TENM2: variants seen among roughly 807,000 people sequenced by gnomAD.
The protein encoded by TENM2 is teneurin transmembrane protein 2.
A neutral mutation model predicts 245.2 loss-of-function variants in TENM2; 52 were observed. The ratio of observed to expected loss-of-function variants is 0.21; its 90% CI spans 0.17 to 0.27. The LOEUF is 0.27. Among genes scored for constraint, TENM2 ranks in the 10% least tolerant of loss-of-function variants. The pLI is 1.00. For synonymous variants in TENM2, 1,363 were observed against 1,438.9 expected (o/e 0.95, Z 1.19); for missense variants, 3,046 against 3,666.8 (o/e 0.83, Z 4.37).
At chr5:167,976,584 T>C (rs912392802) in intron 4 of TENM2, among the ~76,000 whole-genome samples, 2 of 152,172 alleles carry the variant, frequency 1.3e-5, no homozygotes, top group Admixed American at 6.5e-5. Context: ...ATGACAGAAG[T>C]AGAAAGGCCA....
At chr5:167,004,518 A>G in the TENM2 span, among the ~76,000 whole-genome samples, 1 of 152,232 alleles carries the variant, frequency 6.6e-6, no homozygotes, top group South Asian at 2.1e-4. Context: ...AACACAGTTG[A>G]AAGGAAGATA....
chr5:167,183,989 G>T, the TENM2 span, among the ~76,000 whole-genome samples: 1 of 152,060 alleles, frequency 6.6e-6, no homozygotes, highest in African/African-American at 2.4e-5. Context: ...TTGCCTAGAA[G>T]CACACATACC....
At chr5:167,464,205 C>T (rs988401390) in intron 2 of TENM2, among the ~76,000 whole-genome samples, 6 of 151,904 alleles carry the variant, frequency 3.9e-5, no homozygotes, top group African/African-American at 1.5e-4. Flanking sequence ...GAGTTCTAGC[C>T]CTGAGGAAAA....
chr5:167,544,327 G>T (rs1772407839), intron 2 of TENM2, among the ~76,000 whole-genome samples: 1 of 152,078 alleles, frequency 6.6e-6, no homozygotes, highest in Non-Finnish European at 1.5e-5. Flanking sequence ...CACAGAGGAT[G>T]GTATCTTCCT....
At chr5:167,431,337 A>C (rs1272666578) in intron 2 of TENM2, among the ~76,000 whole-genome samples, 1 of 152,154 alleles carries the variant, frequency 6.6e-6, no homozygotes, top group East Asian at 1.9e-4. Context: ...CCCCATATTT[A>C]GGTTGATAGC....
At chr5:167,687,750 C>T (rs1442993955) in intron 2 of TENM2, among the ~76,000 whole-genome samples, 1 of 152,124 alleles carries the variant, frequency 6.6e-6, no homozygotes, top group Admixed American at 6.5e-5. Flanking sequence ...GAGAATTGTT[C>T]TTTCTTCCTC....
chr5:167,898,248 G>A (rs960948963), intron 3 of TENM2, among the ~76,000 whole-genome samples: 1 of 152,094 alleles, frequency 6.6e-6, no homozygotes, highest in Admixed American at 6.6e-5. Context: ...AGTTAGAAAT[G>A]CAAGTCCTCA....
At chr5:167,230,998 T>A in the TENM2 span, among the ~76,000 whole-genome samples, 34,713 of 152,030 alleles carry the variant, frequency 0.23, 4,964 homozygotes, top group African/African-American at 0.41. Context: ...ATGGTTTTAT[T>A]ACTGTGGCAT....
At chr5:167,191,737 A>G in the TENM2 span, among the ~76,000 whole-genome samples, 2 of 152,046 alleles carry the variant, frequency 1.3e-5, no homozygotes, top group Admixed American at 1.3e-4. Context: ...GGGGTGATCT[A>G]TTGATTTCAA....
At chr5:168,151,412 C>T (rs1378198670) in intron 12 of TENM2, among the ~76,000 whole-genome samples, 1 of 152,208 alleles carries the variant, frequency 6.6e-6, no homozygotes, top group African/African-American at 2.4e-5. Context: ...CTAAACCACG[C>T]ACAGACCTTT....
At chr5:167,714,843 C>T (rs1759153572) in intron 2 of TENM2, among the ~76,000 whole-genome samples, 1 of 152,180 alleles carries the variant, frequency 6.6e-6, no homozygotes, top group Non-Finnish European at 1.5e-5. Flanking sequence ...TGTAGCATTT[C>T]TCCCCAGGAT....
chr5:167,437,881 G>C (rs562895884), intron 2 of TENM2, among the ~76,000 whole-genome samples: 1 of 152,122 alleles, frequency 6.6e-6, no homozygotes, highest in East Asian at 1.9e-4. Flanking sequence ...ACTGGGAGTC[G>C]AATTAAACCT....
At chr5:168,173,272 G>A (rs1759020210) in intron 13 of TENM2, among the ~76,000 whole-genome samples, 1 of 152,158 alleles carries the variant, frequency 6.6e-6, no homozygotes, top group Non-Finnish European at 1.5e-5. Context: ...CAAGGCCAAG[G>A]AGCAGGCAGG....
intron 3 of TENM2, among the ~76,000 whole-genome samples, chr5:167,934,346 A>G (rs1449326643): frequency 6.6e-6 from 1 of 152,204 alleles, no homozygotes; most frequent in African/African-American, 2.4e-5. Context: ...AACTCAGAAA[A>G]TAAGACATCC....
At chr5:167,784,713 G>A (rs1764444737) in intron 2 of TENM2, among the ~76,000 whole-genome samples, 1 of 152,074 alleles carries the variant, frequency 6.6e-6, no homozygotes, top group South Asian at 2.1e-4. Flanking sequence ...ATTTGCATTT[G>A]TCATTGTAAT....
chr5:167,450,437 A>C (rs558174192), intron 2 of TENM2, among the ~76,000 whole-genome samples: 138 of 152,344 alleles, frequency 9.1e-4, no homozygotes, highest in Admixed American at 1.4e-3. Flanking sequence ...CCCCATAAGA[A>C]CAACGACTTT....
chr5:167,397,237 G>A (rs758239915), intron 2 of TENM2, among the ~76,000 whole-genome samples: 3 of 151,930 alleles, frequency 2.0e-5, no homozygotes, highest in Non-Finnish European at 4.4e-5. Context: ...AGGAGAGAAT[G>A]CAGGAAAATG....
chr5:167,821,283 A>AATGGT (rs1277628815), intron 2 of TENM2: 5 of 152,362 alleles, frequency 3.3e-5, no homozygotes, highest in Admixed American at 2.6e-4. Context: ...GAAGCTTCAG[A>AATGGT]ATGGTAAGTG....
At chr5:167,950,720 C>T (rs936783783) in intron 3 of TENM2, among the ~76,000 whole-genome samples, 5 of 152,134 alleles carry the variant, frequency 3.3e-5, no homozygotes, top group African/African-American at 1.2e-4. Flanking sequence ...CCTTTCCCAC[C>T]TCTTTCCACT....
Sources: allele counts gnomAD v4.1 joint callset (sites outside exome capture counted in the v4.1 genomes callset), GRCh38; gene constraint gnomAD v4.1.1; transcripts MANE v1.5; gene names NCBI Gene and HGNC (gene_info 2026-07-23, HGNC 2026-07-21).